ROR1: variants seen among roughly 807,000 people sequenced by gnomAD.
The protein encoded by ROR1 is inactive tyrosine-protein kinase transmembrane receptor ROR1.
In ROR1, 19 loss-of-function variants were observed where a neutral mutation model predicts 78.8. The observed-to-expected ratio is 0.24, with a 90% CI of 0.17 to 0.35. The LOEUF is 0.35. Among genes scored for constraint, ROR1 ranks in the 10% least tolerant of loss-of-function variants. ROR1 has a pLI of 1.00. For synonymous variants in ROR1, 386 were observed against 433.6 expected (o/e 0.89, Z 1.36); for missense variants, 917 against 1,177.8 (o/e 0.78, Z 3.24).
chr1:64,158,161 T>A (rs1446191721), intron 7 of ROR1, among the ~76,000 whole-genome samples: 1 of 152,232 alleles, frequency 6.6e-6, no homozygotes, highest in Non-Finnish European at 1.5e-5. Flanking sequence ...ACATATTATA[T>A]TCTTTTCCAA....
At chr1:63,846,293 C>T (rs1217928533) in intron 1 of ROR1, among the ~76,000 whole-genome samples, 3 of 152,056 alleles carry the variant, frequency 2.0e-5, no homozygotes. Flanking sequence ...TAACTCAATG[C>T]ACCTTTTCTT....
intron 1 of ROR1, among the ~76,000 whole-genome samples, chr1:63,830,258 A>G (rs1377026596): frequency 1.3e-5 from 2 of 152,186 alleles, no homozygotes; most frequent in Non-Finnish European, 2.9e-5. Flanking sequence ...TGGTAACAAT[A>G]GGGCATAAGG....
At chr1:63,896,816 A>G (rs1645443750) in intron 1 of ROR1, among the ~76,000 whole-genome samples, 1 of 152,192 alleles carries the variant, frequency 6.6e-6, no homozygotes, top group African/African-American at 2.4e-5. Flanking sequence ...TTGCACACCC[A>G]CATCTCACCT....
At chr1:64,059,721 A>AG (rs1553154869) in intron 4 of ROR1, among the ~76,000 whole-genome samples, 7 of 151,480 alleles carry the variant, frequency 4.6e-5, no homozygotes, top group Admixed American at 4.6e-4. Context: ...AAAAAAAAAA[A>AG]AAAAAGAGAT....
intron 1 of ROR1, among the ~76,000 whole-genome samples, chr1:63,924,568 T>A (rs895981954): frequency 6.6e-6 from 1 of 152,130 alleles, no homozygotes; most frequent in Non-Finnish European, 1.5e-5. Flanking sequence ...TGCCTCCCGA[T>A]ACTTTCATTC....
chr1:63,831,734 T>C (rs575685580), intron 1 of ROR1, among the ~76,000 whole-genome samples: 1 of 152,366 alleles, frequency 6.6e-6, no homozygotes, highest in East Asian at 1.9e-4. Flanking sequence ...TCTTTATTTA[T>C]GCAAATTTCT....
intron 4 of ROR1, among the ~76,000 whole-genome samples, chr1:64,100,975 A>G (rs551774556): frequency 6.6e-6 from 1 of 152,322 alleles, no homozygotes; most frequent in South Asian, 2.1e-4. Flanking sequence ...AAAGCCAGTC[A>G]CTGTATTTAT....
At chr1:64,166,669 C>T (rs938414999) in intron 8 of ROR1, among the ~76,000 whole-genome samples, 7 of 152,192 alleles carry the variant, frequency 4.6e-5, no homozygotes, top group Non-Finnish European at 8.8e-5. Flanking sequence ...ACAGCATTAA[C>T]TGGGGTGAGG....
chr1:64,039,695 G>C (rs1158889999), intron 2 of ROR1, among the ~76,000 whole-genome samples: 7 of 152,148 alleles, frequency 4.6e-5, no homozygotes, highest in Non-Finnish European at 8.8e-5. Context: ...CCTGTGCATG[G>C]TACTGAAATC....
At chr1:63,901,790 A>AT (rs1158700631) in intron 1 of ROR1, among the ~76,000 whole-genome samples, 2 of 152,152 alleles carry the variant, frequency 1.3e-5, no homozygotes, top group Admixed American at 6.5e-5. Flanking sequence ...TAATGAATAC[A>AT]ACTCCCTTTA....
chr1:63,891,427 G>A (rs1422195251), intron 1 of ROR1, among the ~76,000 whole-genome samples: 2 of 152,132 alleles, frequency 1.3e-5, no homozygotes, highest in Admixed American at 1.3e-4. Flanking sequence ...TGTGTTGCCT[G>A]GAAATGCACC....
chr1:63,868,642 G>A (rs1456325966), intron 1 of ROR1, among the ~76,000 whole-genome samples: 1 of 152,200 alleles, frequency 6.6e-6, no homozygotes, highest in African/African-American at 2.4e-5. Context: ...CTTGACAAAT[G>A]GCTGCTCTTA....
chr1:63,830,965 A>T (rs1644984504), intron 1 of ROR1, among the ~76,000 whole-genome samples: 1 of 152,180 alleles, frequency 6.6e-6, no homozygotes, highest in Admixed American at 6.5e-5. Flanking sequence ...CAAGTCCAAA[A>T]CGCAGCAGGG....
At chr1:64,172,768 G>T (rs760140135) in intron 8 of ROR1, among the ~76,000 whole-genome samples, 2 of 152,094 alleles carry the variant, frequency 1.3e-5, no homozygotes, top group Admixed American at 6.5e-5. Flanking sequence ...AAAACTTTAT[G>T]ACTTCATTTT....
At chr1:64,059,252 T>G (rs887271241) in intron 4 of ROR1, among the ~76,000 whole-genome samples, 1 of 152,214 alleles carries the variant, frequency 6.6e-6, no homozygotes, top group Non-Finnish European at 1.5e-5. Context: ...GGCAAAGAAC[T>G]AACTTTCGTT....
chr1:63,853,831 C>A (rs534653857), intron 1 of ROR1, among the ~76,000 whole-genome samples: 1 of 152,238 alleles, frequency 6.6e-6, no homozygotes, highest in African/African-American at 2.4e-5. Flanking sequence ...ATTCCACATC[C>A]AAATATACCT....
intron 1 of ROR1, among the ~76,000 whole-genome samples, chr1:63,900,078 T>C (rs903413219): frequency 1.3e-5 from 2 of 152,148 alleles, no homozygotes; most frequent in Non-Finnish European, 2.9e-5. Flanking sequence ...CTGTTTACTT[T>C]TTATACTAAT....
intron 1 of ROR1, among the ~76,000 whole-genome samples, chr1:63,988,222 G>T (rs1299700412): frequency 2.0e-5 from 3 of 152,162 alleles, no homozygotes; most frequent in African/African-American, 7.2e-5. Context: ...CAGGGTCCAG[G>T]CTGGGAAGCT....
chr1:64,177,044 T>A (rs1268446447), intron 8 of ROR1, among the ~76,000 whole-genome samples: 1 of 152,216 alleles, frequency 6.6e-6, no homozygotes, highest in Non-Finnish European at 1.5e-5. Context: ...CACCCTAATC[T>A]TCACAGAAAC....
Sources: gnomAD v4.1 joint callset for allele counts (sites outside exome capture counted in the v4.1 genomes callset) on GRCh38, gnomAD v4.1.1 for gene constraint, MANE v1.5 for transcripts, NCBI Gene and HGNC (gene_info 2026-07-23, HGNC 2026-07-21) for gene names.